Variants in PASK observed in about 807,000 individuals in gnomAD.
The protein encoded by PASK is PAS domain-containing serine/threonine-protein kinase.
In PASK, 110 loss-of-function variants were observed where a neutral mutation model predicts 121.0. The ratio of observed to expected loss-of-function variants is 0.91; its 90% confidence interval spans 0.78 to 1.06. The LOEUF (loss-of-function observed/expected upper bound fraction) is 1.06. PASK is among the 50% of genes least tolerant of loss of function. The probability of loss-of-function intolerance (pLI) is 0.00; values close to 1 mark genes in which losing one functional copy is unlikely to be tolerated. For missense variants in PASK, 1,643 were observed against 1,702.3 expected (o/e 0.97, Z 0.61); for synonymous variants, 686 against 717.8 (o/e 0.96, Z 0.71).
chr2:241,127,499 C>A, intron 9 of PASK, 48 bp from the exon 10 acceptor site: 2 of 1,405,492 alleles, frequency 1.4e-6, no homozygotes, highest in South Asian at 2.3e-5. Context: ...ACAGATGAGT[C>A]AAAAGGAGAG....
intron 9 of PASK, among the ~76,000 whole-genome samples, 156 bp downstream of exon 9, chr2:241,132,718 G>C (rs1005442723): frequency 4.6e-5 from 7 of 152,106 alleles, no homozygotes; most frequent in African/African-American, 1.4e-4. Context: ...AAACCCAGCA[G>C]TCAGTGTGTG....
chr2:241,115,849 G>A (rs115299586), intron 12 of PASK, among the ~76,000 whole-genome samples: 1,250 of 66,150 alleles, frequency 0.019, 33 homozygotes, highest in Middle Eastern at 0.061. Flanking sequence ...ATCCCATTAC[G>A]CCGGGGCCAC....
rs375444737 is a variant in PASK, at chr2:241,140,700, T to G, written c.250A>C (p.Thr84Pro). The part of the protein sequence containing the change: ...LSSLAAQNIC[T>P]SKLHCPAAPE... ...GCAGCAGGGCAGTGCAGTTTACTTG[T>G]ACAAATATTCTGGGCAGCCAGTGAT... Residue 84 changes from threonine (T) to proline (P), a missense_variant, in exon 3 of 18, where the codon ACA becomes CCA. Physicochemically the swap from Thr to Pro is conservative, Grantham distance 38. Around this residue, in one of 3 missense-constraint regions of PASK, gnomAD observed 1,176 missense variants for 1,162.2 expected, o/e 1.01. Transcript: ENST00000234040. 21 of 1,613,996 alleles carry G rather than the reference T, an allele frequency of 1.3e-5. No homozygotes were observed. In the Admixed American group the frequency reaches 1.8e-4, roughly 14 times the overall value.
Position 241,112,079 on chromosome 2 carries a change from C to A in PASK, c.3533+161G>T, listed in dbSNP as rs951429478. On this transcript the variant is annotated intron_variant, in intron 15 of 17. Transcript: ENST00000234040. The surrounding 1 kb of genome is among the most constrained non-coding windows in gnomAD (Gnocchi z 5.2). ...CGCCCAGTGCCTTTGCCCAATATGA[C>A]CTTGCCTGCCTGCCCACTTACTTTC... Among the ~76,000 whole-genome samples the A allele has an allele frequency of 6.6e-5, 10 of 152,052 alleles. No homozygotes were observed. Among genetic ancestry groups the A allele is most frequent in the Non-Finnish European group, 1.3e-4 (9 of 68,026 alleles).
In PASK at chr2:241,126,906, C is replaced by T. The variant is rs1385135283; in HGVS notation, c.2009G>A (p.Ser670Asn). 2 of 1,613,934 alleles carry T rather than the reference C, an allele frequency of 1.2e-6. No individual in the cohort carries two copies. Among genetic ancestry groups the T allele is most frequent in the Non-Finnish European group, 1.7e-6 (2 of 1,179,928 alleles). Residue 670 changes from serine (S) to asparagine (N), a missense_variant, in exon 10 of 18, where the codon AGC (serine) becomes AAC (asparagine). Physicochemically the swap from Ser to Asn is conservative, Grantham distance 46. This residue lies in a region of PASK where 1,176 missense variants were observed against 1,162.2 expected (regional missense o/e 1.01). Transcript: ENST00000234040. The stretch of plus-strand genomic sequence containing the variant: ...GGGGACATCCAGGGCTCCTGCAAGG[C>T]TCAACTGGGACAGCTGCTCCTTAAT... ...CLIKEQLSQL[S>N]LAGALDVPHA...
chr2:241,122,683 G>A (rs749294103), intron 12 of PASK, 49 bp downstream of exon 12: 3 of 1,562,734 alleles, frequency 1.9e-6, no homozygotes, highest in African/African-American at 2.7e-5. Flanking sequence ...AAAGTCGAGA[G>A]CCATGTGAAG....
Position 241,112,721 on chromosome 2 carries a change from A to G in PASK, c.3334-282T>C. ...TGTTTGCTGCTGAGAAAAGCTTCCC[A>G]GCAGACACTCGCCCCCACCAACGCA... is the stretch of plus-strand genomic sequence containing the variant. On this transcript the variant is annotated intron_variant, in intron 14 of 17. Coordinates refer to ENST00000234040, the MANE Select transcript of PASK (RefSeq NM_015148.4). This position sits in a 1 kb window ranked among gnomAD's most constrained non-coding sequence, Gnocchi z 5.2. 1 of 404,202 alleles carries G rather than the reference A, an allele frequency of 2.5e-6. No individual in the cohort carries two copies. Among genetic ancestry groups the G allele is most frequent in the South Asian group, 2.3e-5 (1 of 43,648 alleles). The allele number at this position is 404,202 out of a possible 1,614,324, so 25.0% of individuals were successfully genotyped here. A position where few individuals can be genotyped will look rare whatever the true frequency, so the allele number is the denominator to read the frequency against.
At chr2:241,135,426 C>G (rs2066365359) in intron 8 of PASK, among the ~76,000 whole-genome samples, 1 of 152,130 alleles carries the variant, frequency 6.6e-6, no homozygotes, top group Admixed American at 6.5e-5. Flanking sequence ...CCCACCAGTA[C>G]TGGATTTCTG....
At chr2:241,122,972 C>A (rs2065685190) in intron 11 of PASK, 73 bp from the exon 12 acceptor site, 49 of 1,476,472 alleles carry the variant, frequency 3.3e-5, no homozygotes, top group Middle Eastern at 1.9e-4. Flanking sequence ...CACAGTGGTC[C>A]CCCTGCGTCT....
At chr2:241,111,824 G>A (rs539368168) in intron 15 of PASK, among the ~76,000 whole-genome samples, 18 of 152,258 alleles carry the variant, frequency 1.2e-4, no homozygotes, top group African/African-American at 3.4e-4. Flanking sequence ...CCTCTGCCTC[G>A]GGACTTTCTC....
chr2:241,125,609 G>GAAAAAAAAAAAAAAAAAAAAA (rs11353969), intron 10 of PASK, among the ~76,000 whole-genome samples: 3 of 118,384 alleles, frequency 2.5e-5, no homozygotes, highest in African/African-American at 5.9e-5. Flanking sequence ...CAAAAAAAAA[G>GAAAAAAAAAAAAAAAAAAAAA]AAAAAAAAAA....
upstream of PASK, chr2:241,149,719 C>G: frequency 6.5e-7 from 1 of 1,549,910 alleles, no homozygotes; most frequent in East Asian, 2.4e-5. Flanking sequence ...GTGAGTAGCG[C>G]AGAGCTCGCC....
At position 241,135,979 on chromosome 2, in the gene PASK, A is replaced by G; in HGVS notation, c.1198T>C (p.Leu400=). The G allele has an allele frequency of 6.2e-7, 1 of 1,613,964 alleles. No individual in the cohort carries two copies. Among genetic ancestry groups the G allele is most frequent in the East Asian group, 2.2e-5 (1 of 44,876 alleles). Residue 400 remains leucine, a synonymous_variant, in exon 8 of 18, where the codon TTA becomes CTA. Transcript: ENST00000234040. The part of the protein sequence containing the change: ...SYMDLAYNSS[L]QLPDLASCLD... ...CAGCTGGCCAGGTCTGGGAGCTGTA[A>G]TGAGCTGTTGTACGCAAGGTCCATG...
rs1405337683 is a variant in PASK, at chr2:241,114,650, C to T, written c.3333+393G>A. On this transcript the variant is annotated intron_variant, in intron 14 of 17. Transcript: ENST00000234040. ...CAGTTTTGCTGGTTAATTACCTCAA[C>T]AGCCACCATTTAGTGGGCACTTACA... 6 of 1,143,066 alleles carry T rather than the reference C, an allele frequency of 5.2e-6. No homozygotes were observed. The African/African-American group carries it at 9.6e-5, about 18-fold the overall frequency. The allele number at this position is 1,143,066 out of a possible 1,614,324, so 70.8% of individuals were successfully genotyped here.
intron 16 of PASK, 79 bp from the exon 17 acceptor site, chr2:241,107,578 ACC>A (rs34577714): frequency 7.2e-7 from 1 of 1,389,380 alleles, no homozygotes; most frequent in South Asian, 1.2e-5. Context: ...GGTGCTCACC[ACC>A]CCCCCGCAGA....
In PASK at chr2:241,124,159, A is replaced by G. The variant is rs749621046; in HGVS notation, c.2720-26T>C. The G allele has an allele frequency of 1.9e-6, 3 of 1,605,684 alleles. No homozygotes were observed. The South Asian group carries it at 3.3e-5, about 18-fold the overall frequency. On this transcript the variant is annotated intron_variant, in intron 10 of 17. Coordinates refer to ENST00000234040, the MANE Select transcript of PASK (RefSeq NM_015148.4). ...CTGAAGGGTGAGAAGGTAAGAACGC[A>G]CAGGCCTGTGCTGACCTGGCTAGAC... is the stretch of plus-strand genomic sequence containing the variant.
At chr2:241,111,131 A>G (rs3815296) in intron 15 of PASK, among the ~76,000 whole-genome samples, 49,294 of 152,074 alleles carry the variant, frequency 0.32, 11,486 homozygotes, top group African/African-American at 0.64. Flanking sequence ...TCCTCTCCCC[A>G]ATGCTGAGGC....
In PASK at chr2:241,138,638, AAAGT is replaced by A; in HGVS notation, c.741+12_741+15del. The A allele has an allele frequency of 6.2e-7, 1 of 1,613,822 alleles. No individual in the cohort carries two copies. Among genetic ancestry groups the A allele is most frequent in the Non-Finnish European group, 8.5e-7 (1 of 1,180,010 alleles). Reference sequence around the variant, plus strand: ...CTCCAGCGTCCATGAGACATGAGGCAAAGTTGCACACTCACATCGCTCTGGAAAG... The same window carrying A: ...CTCCAGCGTCCATGAGACATGAGGCATGCACACTCACATCGCTCTGGAAAG... On this transcript the variant is annotated intron_variant, in intron 5 of 17. Transcript: ENST00000234040.
rs1193510118 is a variant in PASK at position 241,108,695 on chromosome 2, G to A, written c.3534-395C>T. On this transcript the variant is annotated intron_variant, in intron 15 of 17. Transcript: ENST00000234040. The surrounding 1 kb of genome is among the most constrained non-coding windows in gnomAD (Gnocchi z 5.2). ...GAACAGGGTCACGTGCCCTTCAGAC[G>A]TGATCAGGCATGTTCACGATCTTGG... 3 of 359,618 alleles carry A rather than the reference G, an allele frequency of 8.3e-6. No individual in the cohort carries two copies. Among genetic ancestry groups the A allele is most frequent in the South Asian group, 2.2e-5 (1 of 46,490 alleles). The allele number at this position is 359,618 out of a possible 1,614,324, so 22.3% of individuals were successfully genotyped here. A position where few individuals can be genotyped will look rare whatever the true frequency, so the allele number is the denominator to read the frequency against.
Sources: gnomAD v4.1 joint callset for allele counts (sites outside exome capture counted in the v4.1 genomes callset) on GRCh38, gnomAD v4.1.1 for gene constraint, gnomAD v4.1.1 regional missense constraint, Gnocchi (gnomAD v3.1) non-coding constraint, MANE v1.5 for transcripts, NCBI Gene and HGNC (gene_info 2026-07-23, HGNC 2026-07-21) for gene names.